Variants in SYNE2 observed in about 807,000 individuals in gnomAD.
SYNE2 encodes the protein nesprin-2.
SYNE2 carries 431 observed loss-of-function variants against 856.3 expected under a neutral mutation model. The observed-to-expected ratio is 0.50, with a 90% CI of 0.47 to 0.55. The LOEUF (loss-of-function observed/expected upper bound fraction) is 0.55, where lower values mean the gene tolerates loss of function less well. Among genes scored for constraint, SYNE2 ranks in the 20% least tolerant of loss-of-function variants. SYNE2 has a pLI of 0.00. For synonymous variants in SYNE2, 2,923 were observed against 2,872.3 expected (o/e 1.02, Z -0.56); for missense variants, 8,129 against 8,023.2 (o/e 1.01, Z -0.50).
At position 64,132,150 on chromosome 14, in the gene SYNE2, T is replaced by G. The variant is rs1029690581; in HGVS notation, c.14341-115T>G. 1.1e-5 allele frequency: 14 copies of G among 1,239,342 alleles called. No individual in the cohort carries two copies. The African/African-American group carries it at 1.6e-4, about 15-fold the overall frequency. 76.8% of individuals were successfully genotyped at this position (1,239,342 alleles called of 1,614,324 possible). ...GCTGGTCAATTTGACTCTACACGGA[T>G]GTCCTGGGATTTTGGATTTAAAACA... On this transcript the variant is annotated intron_variant, in intron 76 of 115. Coordinates refer to ENST00000555002, the MANE Select transcript of SYNE2 (RefSeq NM_182914.3).
chr14:64,158,515 C>A, intron 85 of SYNE2, 110 bp from the exon 86 acceptor site: 1 of 1,186,200 alleles, frequency 8.4e-7, no homozygotes, highest in East Asian at 2.5e-5. Context: ...ACTGGTGATC[C>A]TTCAATACTC....
chr14:64,133,046 C>CA (rs61232749), intron 77 of SYNE2, among the ~76,000 whole-genome samples: 41 of 148,914 alleles, frequency 2.8e-4, no homozygotes, highest in East Asian at 1.4e-3. Context: ...ACTAAAAATA[C>CA]AAAAAAAAAA....
At chr14:64,045,626 T>C (rs1473267347) in intron 45 of SYNE2, among the ~76,000 whole-genome samples, 1 of 152,126 alleles carries the variant, frequency 6.6e-6, no homozygotes, top group Non-Finnish European at 1.5e-5. Flanking sequence ...CTGCCCTAGG[T>C]GTAGATTTTC....
chr14:63,986,384 C>G, intron 18 of SYNE2, 72 bp from the exon 19 acceptor site: 1 of 1,556,822 alleles, frequency 6.4e-7, no homozygotes, highest in Non-Finnish European at 8.8e-7. Context: ...ACAGGTGTAA[C>G]TTTTTGAAAA....
intron 32 of SYNE2, among the ~76,000 whole-genome samples, chr14:64,012,070 T>C (rs898019160): frequency 6.6e-6 from 1 of 152,314 alleles, no homozygotes; most frequent in South Asian, 2.1e-4. Context: ...AGTCTAAATA[T>C]GTTTCTCTTA....
chr14:63,963,783 A>G, intron 9 of SYNE2, 116 bp from the exon 10 acceptor site: 1 of 712,364 alleles, frequency 1.4e-6, no homozygotes, highest in Non-Finnish European at 2.5e-6. Context: ...TGGCATAATG[A>G]ATCATTGGTG....
intron 8 of SYNE2, among the ~76,000 whole-genome samples, chr14:63,958,315 T>A: frequency 6.6e-6 from 1 of 152,250 alleles, no homozygotes; most frequent in Non-Finnish European, 1.5e-5. Flanking sequence ...TATTTAGCTG[T>A]CATATCTCCT....
chr14:64,209,716 A>G (rs1319202238), intron 102 of SYNE2, 138 bp downstream of exon 102: 2 of 1,311,422 alleles, frequency 1.5e-6, no homozygotes. Context: ...GCCTGCCCCC[A>G]GCTGCTGAGA....
At chr14:64,144,177 A>C (rs2098163157) in intron 83 of SYNE2, among the ~76,000 whole-genome samples, 1 of 152,212 alleles carries the variant, frequency 6.6e-6, no homozygotes, top group Admixed American at 6.5e-5. Flanking sequence ...GAGCTAGGCA[A>C]GTGAAGATGA....
intron 1 of SYNE2, among the ~76,000 whole-genome samples, chr14:63,798,230 A>G (rs968867282): frequency 1.3e-5 from 2 of 151,866 alleles, no homozygotes; most frequent in African/African-American, 2.4e-5. Flanking sequence ...TGTTTTTTCA[A>G]CTAGAGATAA....
chr14:64,144,089 T>C, intron 83 of SYNE2, 141 bp downstream of exon 83: 1 of 989,998 alleles, frequency 1.0e-6, no homozygotes, highest in South Asian at 1.3e-5. Context: ...ATAAATCCTA[T>C]GTTTTAGCAT....
intron 6 of SYNE2, among the ~76,000 whole-genome samples, chr14:63,946,433 AACATAC>A (rs1378175235): frequency 1.3e-5 from 2 of 151,802 alleles, no homozygotes; most frequent in African/African-American, 2.4e-5. Context: ...GTCTCCAAAA[AACATAC>A]ACATACACAT....
At chr14:63,876,449 A>G (rs1171819519) in intron 1 of SYNE2, among the ~76,000 whole-genome samples, 2 of 151,398 alleles carry the variant, frequency 1.3e-5, no homozygotes, top group Non-Finnish European at 2.9e-5. Context: ...GGATACCATT[A>G]TATTTTTTTT....
intron 65 of SYNE2, chr14:64,112,950 T>A (rs1187220730): frequency 1.1e-6 from 1 of 946,414 alleles, no homozygotes; most frequent in Non-Finnish European, 1.3e-6. Context: ...TGGAATAGAG[T>A]GTGCAGCAAT....
At position 64,212,823 on chromosome 14, in the gene SYNE2, G is replaced by C. The variant is rs2098648306; in HGVS notation, c.18874G>C (p.Glu6292Gln). 4 of 1,614,204 alleles carry C rather than the reference G, an allele frequency of 2.5e-6. No individual in the cohort carries two copies. Among genetic ancestry groups the C allele is most frequent in the Non-Finnish European group, 3.4e-6 (4 of 1,180,042 alleles). ...KMRQLNGFQQEITLNTNKIDQ... is the reference protein window; with the variant it reads ...KMRQLNGFQQQITLNTNKIDQ... ...CCTCTCTCAACAGGGCTTCCAACAGGAAATTACATTAAATACCAACAAGAT... is the reference window on the plus strand; with the variant it reads ...CCTCTCTCAACAGGGCTTCCAACAGCAAATTACATTAAATACCAACAAGAT... The change falls in exon 105 of 116, where the codon GAA becomes CAA. Residue 6292 changes from glutamate (E) to glutamine (Q), a missense_variant. Coordinates refer to ENST00000555002, the MANE Select transcript of SYNE2 (RefSeq NM_182914.3).
upstream of SYNE2, among the ~76,000 whole-genome samples, chr14:63,849,327 C>G (rs1424815734): frequency 7.1e-6 from 1 of 141,842 alleles, no homozygotes; most frequent in African/African-American, 2.7e-5. Flanking sequence ...ATGAGATGGT[C>G]TCACCTTGCC....
chr14:63,817,056 T>G (rs138168204), intron 1 of SYNE2, among the ~76,000 whole-genome samples: 1 of 152,332 alleles, frequency 6.6e-6, no homozygotes, highest in African/African-American at 2.4e-5. Flanking sequence ...TTGATGATTC[T>G]TTATTTCAGA....
chr14:64,014,091 A>G (rs2096869188), intron 32 of SYNE2, among the ~76,000 whole-genome samples: 1 of 152,034 alleles, frequency 6.6e-6, no homozygotes, highest in Non-Finnish European at 1.5e-5. Context: ...GTTAAAAAAT[A>G]TTTTAAAAAT....
intron 1 of SYNE2, among the ~76,000 whole-genome samples, chr14:63,770,843 A>T (rs1015574733): frequency 1.3e-5 from 2 of 152,198 alleles, no homozygotes; most frequent in East Asian, 1.9e-4. Context: ...AAAAAATTTT[A>T]AATTCATCAA....
Sources: allele counts gnomAD v4.1 joint callset (sites outside exome capture counted in the v4.1 genomes callset), GRCh38; gene constraint gnomAD v4.1.1; transcripts MANE v1.5; gene names NCBI Gene and HGNC (gene_info 2026-07-23, HGNC 2026-07-21).